ZNF385B: variants seen among roughly 807,000 people sequenced by gnomAD.
The protein encoded by ZNF385B is zinc finger protein 533.
Under a neutral mutation model 39.2 loss-of-function variants are expected in ZNF385B, and 23 were observed. The observed-to-expected ratio is 0.59, with a 90% CI of 0.42 to 0.83. The LOEUF is 0.83. ZNF385B is among the 40% of genes least tolerant of loss of function. The pLI, the probability that ZNF385B is intolerant of heterozygous loss-of-function variation, is 0.00. For missense variants in ZNF385B, 552 were observed against 598.9 expected (o/e 0.92, Z 0.82); for synonymous variants, 205 against 222.6 (o/e 0.92, Z 0.70).
At chr2:179,538,452 C>T (rs71425634) in intron 4 of ZNF385B, among the ~76,000 whole-genome samples, 10,304 of 152,054 alleles carry the variant, frequency 0.068, 446 homozygotes, top group Middle Eastern at 0.19. Flanking sequence ...GAATTTGATT[C>T]CCAATTTCTT....
intron 1 of ZNF385B, among the ~76,000 whole-genome samples, chr2:179,856,578 A>G (rs528065732): frequency 6.6e-6 from 1 of 151,216 alleles, no homozygotes; most frequent in African/African-American, 2.4e-5. Flanking sequence ...GCATAGAGTC[A>G]GCCAAGGCAC....
At chr2:179,705,778 T>C (rs1699549381) in intron 3 of ZNF385B, among the ~76,000 whole-genome samples, 1 of 152,230 alleles carries the variant, frequency 6.6e-6, no homozygotes, top group Non-Finnish European at 1.5e-5. Context: ...TACTCAATTC[T>C]GCCATTCTAG....
chr2:179,624,952 C>T (rs1426245829), intron 3 of ZNF385B, among the ~76,000 whole-genome samples: 1 of 94,368 alleles, frequency 1.1e-5, no homozygotes, highest in East Asian at 2.4e-4. Flanking sequence ...ATTGTTTGAA[C>T]AATTTCTTCT....
rs543923859 is a variant in ZNF385B, at chr2:179,633,806, G to A, written c.299-88837C>T. On this transcript the variant is annotated intron_variant, in intron 3 of 9. Coordinates refer to ENST00000410066, the MANE Select transcript of ZNF385B (RefSeq NM_152520.6). ...CATGATTGTATATTTAGAAGCTACA[G>A]TAACCAAGAGGCTACAGTAACCAAA... is the stretch of plus-strand genomic sequence containing the variant. Among the ~76,000 whole-genome samples, 5 of 151,488 alleles carry A rather than the reference G, an allele frequency of 3.3e-5. No individual in the cohort carries two copies. The East Asian group carries it at 9.7e-4, about 29-fold the overall frequency.
Position 179,861,233 on chromosome 2 carries a change from C to T in ZNF385B, c.-287G>A. 1 of 158,794 alleles carries T rather than the reference C, an allele frequency of 6.3e-6. No individual in the cohort carries two copies. Among genetic ancestry groups the T allele is most frequent in the Non-Finnish European group, 1.4e-5 (1 of 73,204 alleles). 9.8% of individuals were successfully genotyped at this position (158,794 alleles called of 1,614,324 possible). On this transcript the variant is annotated 5_prime_UTR_variant, in exon 1 of 10. Transcript: ENST00000410066. ...CGCGCAGACGTTCTCCCGCGATCTG[C>T]TGCAGCCCAGGCGGTGGCGGTGGCG...
intron 3 of ZNF385B, among the ~76,000 whole-genome samples, chr2:179,748,245 C>T (rs574711067): frequency 1.6e-4 from 24 of 151,798 alleles, no homozygotes; most frequent in Non-Finnish European, 3.2e-4. Flanking sequence ...AAAAGATAGG[C>T]AAGAAGAAGC....
chr2:179,526,616 G>GAA (rs145973652), intron 4 of ZNF385B, among the ~76,000 whole-genome samples: 8,825 of 150,900 alleles, frequency 0.058, 325 homozygotes, highest in South Asian at 0.11. Context: ...GAGAAATAAA[G>GAA]AAAAAAAAAT....
At chr2:179,528,131 C>G (rs188053585) in intron 4 of ZNF385B, among the ~76,000 whole-genome samples, 84 of 152,166 alleles carry the variant, frequency 5.5e-4, no homozygotes, top group African/African-American at 1.9e-3. Context: ...ATACAGAATC[C>G]AGACTCATAC....
chr2:179,709,179 C>T (rs1236822256), intron 3 of ZNF385B, among the ~76,000 whole-genome samples: 1 of 152,212 alleles, frequency 6.6e-6, no homozygotes, highest in Non-Finnish European at 1.5e-5. Context: ...GCCTAGTGGC[C>T]ACAGATCTCA....
At chr2:179,680,347 T>C (rs942402974) in intron 3 of ZNF385B, among the ~76,000 whole-genome samples, 2 of 152,186 alleles carry the variant, frequency 1.3e-5, no homozygotes, top group Non-Finnish European at 2.9e-5. Context: ...TCAACTATGG[T>C]TATACATAAC....
At chr2:179,552,808 A>G (rs1373293343) in intron 3 of ZNF385B, among the ~76,000 whole-genome samples, 2 of 149,426 alleles carry the variant, frequency 1.3e-5, no homozygotes, top group Non-Finnish European at 3.0e-5. Flanking sequence ...TAATAGCAAT[A>G]ACAGAGATAA....
intron 1 of ZNF385B, among the ~76,000 whole-genome samples, chr2:179,818,473 A>G (rs1018696558): frequency 1.3e-5 from 2 of 152,222 alleles, no homozygotes; most frequent in Non-Finnish European, 2.9e-5. Flanking sequence ...CAGTATTACA[A>G]CTGATGTCTC....
chr2:179,844,088 G>A (rs1708679110), intron 1 of ZNF385B, among the ~76,000 whole-genome samples: 1 of 152,098 alleles, frequency 6.6e-6, no homozygotes, highest in Middle Eastern at 3.2e-3. Context: ...ATAGCAGATC[G>A]GTCCAGAGAT....
intron 3 of ZNF385B, among the ~76,000 whole-genome samples, chr2:179,696,348 T>TTTTTTTTTTTTTC (rs1482461878): frequency 7.0e-6 from 1 of 143,578 alleles, no homozygotes; most frequent in African/African-American, 2.6e-5. Flanking sequence ...TTTTTTTTTT[T>TTTTTTTTTTTTTC]TGCATCCTAG....
intron 1 of ZNF385B, among the ~76,000 whole-genome samples, chr2:179,828,097 A>G (rs1159273631): frequency 6.6e-6 from 1 of 152,108 alleles, no homozygotes; most frequent in Non-Finnish European, 1.5e-5. Flanking sequence ...TCATTTATTT[A>G]TCTAGTCTAC....
At chr2:179,493,493 G>GTGTGTACATGTATGCGTATACATA (rs1553571606) in intron 5 of ZNF385B, among the ~76,000 whole-genome samples, 1 of 149,716 alleles carries the variant, frequency 6.7e-6, no homozygotes, top group Non-Finnish European at 1.5e-5. Context: ...ATGTATAAAC[G>GTGTGTACATGTATGCGTATACATA]TGTGTGTACA....
intron 3 of ZNF385B, among the ~76,000 whole-genome samples, chr2:179,589,578 C>G (rs943443856): frequency 2.0e-5 from 3 of 152,168 alleles, no homozygotes; most frequent in Non-Finnish European, 4.4e-5. Flanking sequence ...TCTCTTACAC[C>G]AGTAAAAGCC....
chr2:179,817,697 G>C (rs1348753852), intron 1 of ZNF385B, among the ~76,000 whole-genome samples: 2 of 149,036 alleles, frequency 1.3e-5, no homozygotes, highest in Non-Finnish European at 3.0e-5. Context: ...GTGTCAATCT[G>C]AATGGGTCTA....
intron 3 of ZNF385B, among the ~76,000 whole-genome samples, chr2:179,639,533 C>T (rs890283203): frequency 6.6e-6 from 1 of 151,768 alleles, no homozygotes; most frequent in Non-Finnish European, 1.5e-5. Flanking sequence ...CCAATTATAC[C>T]TTAATAAATC....
Sources: gnomAD v4.1 joint callset for allele counts (sites outside exome capture counted in the v4.1 genomes callset) on GRCh38, gnomAD v4.1.1 for gene constraint, MANE v1.5 for transcripts, NCBI Gene and HGNC (gene_info 2026-07-23, HGNC 2026-07-21) for gene names.